Variants in CD320 observed in about 807,000 individuals in gnomAD.
The protein encoded by CD320 is CD320 antigen.
CD320 carries 16 observed loss-of-function variants against 22.1 expected under a neutral mutation model. The observed-to-expected ratio is 0.73, with a 90% CI of 0.49 to 1.10. CD320 has a LOEUF of 1.10. CD320 is among the 50% of genes least tolerant of loss of function. The pLI, the probability that CD320 is intolerant of heterozygous loss-of-function variation, is 0.00. For missense variants in CD320, 388 were observed against 376.9 expected (o/e 1.03, Z -0.24); for synonymous variants, 188 against 167.8 (o/e 1.12, Z -0.93).
At chr19:8,304,611 G>A (rs1970059926) in intron 2 of CD320, among the ~76,000 whole-genome samples, 1 of 152,128 alleles carries the variant, frequency 6.6e-6, no homozygotes, top group South Asian at 2.1e-4. Flanking sequence ...CCAAAGTGCT[G>A]GGATTACATG....
At position 8,302,384 on chromosome 19, in the gene CD320, G is replaced by A. The variant is rs548990321; in HGVS notation, c.*79C>T. On this transcript the variant is annotated 3_prime_UTR_variant, in exon 5 of 5. Coordinates refer to ENST00000301458, the MANE Select transcript of CD320 (RefSeq NM_016579.4). Reference sequence around the variant, plus strand: ...CAGGTCTCTGAGGGCTGGTGTGCCCGGGTACCCATCCGCATCACTGCTCTC... The same window carrying A: ...CAGGTCTCTGAGGGCTGGTGTGCCCAGGTACCCATCCGCATCACTGCTCTC... 17 of 1,566,476 alleles carry A rather than the reference G, an allele frequency of 1.1e-5. 1 individual carries two copies. The highest frequency in any genetic ancestry group is 2.7e-5 in the African/African-American group (2 of 73,656).
chr19:8,304,315 A>T (rs903880077), intron 2 of CD320, among the ~76,000 whole-genome samples: 1 of 151,994 alleles, frequency 6.6e-6, no homozygotes, highest in Non-Finnish European at 1.5e-5. Flanking sequence ...CTACAAGCCC[A>T]CTTTATTCTA....
intron 1 of CD320, chr19:8,305,443 C>G (rs576603761): frequency 1.3e-4 from 51 of 381,402 alleles, no homozygotes; most frequent in African/African-American, 9.6e-4. Flanking sequence ...TGCAGTGGCT[C>G]ACGCCTGTAA....
chr19:8,303,406 C>T (rs1489154603), intron 3 of CD320, among the ~76,000 whole-genome samples: 1 of 151,948 alleles, frequency 6.6e-6, no homozygotes, highest in African/African-American at 2.4e-5. Flanking sequence ...CGTTAGCCAC[C>T]GTGCCCGGCC....
intron 1 of CD320, chr19:8,305,473 C>T (rs750949762): frequency 6.7e-5 from 22 of 326,898 alleles, no homozygotes; most frequent in Middle Eastern, 1.1e-3. Context: ...TTTGGCAGGC[C>T]GAGGCAGGTG....
rs991840721 is a variant in CD320, at chr19:8,304,971, T to C, written c.268+60A>G. 6.8e-5 allele frequency: 108 copies of C among 1,590,028 alleles called. No homozygotes were observed. The African/African-American group carries it at 1.1e-3, about 17-fold the overall frequency. On this transcript the variant is annotated intron_variant, in intron 2 of 4. Transcript: ENST00000301458. ...GCTCCACCTCCGCGTGCCTGGCCCCTGACAAACCACCCTCAGGCCCCGCCC... is the reference window on the plus strand; with the variant it reads ...GCTCCACCTCCGCGTGCCTGGCCCCCGACAAACCACCCTCAGGCCCCGCCC...
At position 8,302,178 on chromosome 19, in the gene CD320, T is replaced by C. The variant is rs1351350901; in HGVS notation, c.*285A>G. On this transcript the variant is annotated 3_prime_UTR_variant, in exon 5 of 5. Coordinates refer to ENST00000301458, the MANE Select transcript of CD320 (RefSeq NM_016579.4). ...ACCCTCAGACGGGGCAGCAGGAGTGTCTTAAGCACAGGGCCGTTCTACCCC... is the reference window on the plus strand; with the variant it reads ...ACCCTCAGACGGGGCAGCAGGAGTGCCTTAAGCACAGGGCCGTTCTACCCC... 3 of 614,398 alleles carry C rather than the reference T, an allele frequency of 4.9e-6. No homozygotes were observed. Among genetic ancestry groups the C allele is most frequent in the Non-Finnish European group, 9.1e-6 (3 of 328,130 alleles). The allele number at this position is 614,398 out of a possible 1,614,324, so 38.1% of individuals were successfully genotyped here.
chr19:8,305,160 C>T lies in CD320; in HGVS notation c.143-4G>A, dbSNP rs371174438. On this transcript the variant is annotated splice_polypyrimidine_tract_variant and splice_region_variant and intron_variant, in intron 1 of 4. Coordinates refer to ENST00000301458, the MANE Select transcript of CD320 (RefSeq NM_016579.4). ...GGGCACGAGCCTGAGCTGGGGCCTGCGAGATGGATGCAAATGAAGCCTGGG... is the reference window on the plus strand; with the variant it reads ...GGGCACGAGCCTGAGCTGGGGCCTGTGAGATGGATGCAAATGAAGCCTGGG... 1.2e-5 allele frequency: 19 copies of T among 1,595,446 alleles called. No individual in the cohort carries two copies. In the African/African-American group the frequency reaches 2.0e-4, roughly 17 times the overall value.
At chr19:8,306,622 C>T (rs905968870) in intron 1 of CD320, among the ~76,000 whole-genome samples, 5 of 152,232 alleles carry the variant, frequency 3.3e-5, no homozygotes, top group East Asian at 1.9e-4. Flanking sequence ...TCCAACCCCC[C>T]ACTCCCCACT....
Position 8,302,353 on chromosome 19 carries a change from A to C in CD320, c.*110T>G. 156 of 1,375,170 alleles carry C rather than the reference A, an allele frequency of 1.1e-4. No individual in the cohort carries two copies. The highest frequency in any genetic ancestry group is 1.8e-4 in the Middle Eastern group (1 of 5,638). 85.2% of individuals were successfully genotyped at this position (1,375,170 alleles called of 1,614,324 possible). ...GGGTTCGAGGTTCCACGTGGCCAGA[A>C]GAGCTCAGGTCTCTGAGGGCTGGTG... On this transcript the variant is annotated 3_prime_UTR_variant, in exon 5 of 5. Transcript: ENST00000301458.
At chr19:8,305,887 G>T (rs188080908) in intron 1 of CD320, 1 of 152,252 alleles carries the variant, frequency 6.6e-6, no homozygotes, top group African/African-American at 2.4e-5. Context: ...TCAGGCTCCC[G>T]GGCTCAGGTC....
chr19:8,303,865 C>G lies in CD320; in HGVS notation c.492G>C (p.Glu164Asp). 6.3e-7 allele frequency: 1 copy of G among 1,598,510 alleles called. No homozygotes were observed. Among genetic ancestry groups the G allele is most frequent in the Non-Finnish European group, 8.5e-7 (1 of 1,173,060 alleles). Residue 164 changes from glutamate to aspartate, a missense_variant, in exon 3 of 5, where the codon GAG (glutamate) becomes GAC (aspartate). Transcript: ENST00000301458. Reference protein sequence around the residue: ...GHPDCPDSSDELGCGTNEILP... With the variant: ...GHPDCPDSSDDLGCGTNEILP... The stretch of plus-strand genomic sequence containing the variant: ...CCCGCAGGTGCATACCACAGCCGAG[C>G]TCGTCGCTGGAGTCGGGACAGTCTG...
At chr19:8,303,369 G>A (rs551621103) in intron 3 of CD320, among the ~76,000 whole-genome samples, 4 of 151,832 alleles carry the variant, frequency 2.6e-5, no homozygotes, top group Middle Eastern at 6.8e-3. Flanking sequence ...TGCCTGCCTC[G>A]GCCTCCCAAA....
chr19:8,303,898 G>A lies in CD320; in HGVS notation c.459C>T (p.Asp153=), dbSNP rs750510195. 2.5e-6 allele frequency: 4 copies of A among 1,605,740 alleles called. No individual in the cohort carries two copies. The highest frequency in any genetic ancestry group is 2.3e-5 in the East Asian group (1 of 44,434). Reference sequence around the variant, plus strand: ...TGGAGTCGGGACAGTCTGGGTGGCCGTCGCAGCGCCACGTGAGTGGAATGC... The same window carrying A: ...TGGAGTCGGGACAGTCTGGGTGGCCATCGCAGCGCCACGTGAGTGGAATGC... ...DDCIPLTWRC[D]GHPDCPDSSD... is the part of the protein sequence containing the mutation. Residue 153 remains aspartate (D), a synonymous_variant, in exon 3 of 5, where the codon GAC becomes GAT. Coordinates refer to ENST00000301458, the MANE Select transcript of CD320 (RefSeq NM_016579.4).
intron 1 of CD320, chr19:8,306,044 T>C (rs1970084503): frequency 6.6e-6 from 1 of 152,252 alleles, no homozygotes; most frequent in African/African-American, 2.4e-5. Flanking sequence ...ACTCTCCCCA[T>C]CCTAAATGTG....
At chr19:8,307,741 G>GC in intron 1 of CD320, among the ~76,000 whole-genome samples, 1 of 152,286 alleles carries the variant, frequency 6.6e-6, no homozygotes, top group Non-Finnish European at 1.5e-5. Flanking sequence ...CAAGGCCTGG[G>GC]CGCGAGGGTT....
rs1364595006 is a variant in CD320 at position 8,308,136 on chromosome 19, G to A, written c.142+13C>T. 3 of 1,496,954 alleles carry A rather than the reference G, an allele frequency of 2.0e-6. No homozygotes were observed. In the South Asian group the frequency reaches 3.9e-5, roughly 19 times the overall value. The allele number at this position is 1,496,954 out of a possible 1,614,324, so 92.7% of individuals were successfully genotyped here. A position where few individuals can be genotyped will look rare whatever the true frequency, so the allele number is the denominator to read the frequency against. The stretch of plus-strand genomic sequence containing the variant: ...GCGAGGGGTGGGAGCCCGCGCTGCG[G>A]GGCGTCACTCACCTGCGGCCTGGGC... On this transcript the variant is annotated intron_variant, in intron 1 of 4. Coordinates refer to ENST00000301458, the MANE Select transcript of CD320 (RefSeq NM_016579.4).
Position 8,303,852 on chromosome 19 carries a change from T to A in CD320, c.502+3A>T. On this transcript the variant is annotated splice_donor_region_variant and intron_variant, in intron 3 of 4. Coordinates refer to ENST00000301458, the MANE Select transcript of CD320 (RefSeq NM_016579.4). ...AGTCCACCCCAGCCCCGCAGGTGCA[T>A]ACCACAGCCGAGCTCGTCGCTGGAG... is the stretch of plus-strand genomic sequence containing the variant. The A allele has an allele frequency of 1.3e-6, 2 of 1,586,462 alleles. No homozygotes were observed. The highest frequency in any genetic ancestry group is 1.7e-6 in the Non-Finnish European group (2 of 1,166,178).
intron 2 of CD320, among the ~76,000 whole-genome samples, chr19:8,304,588 C>T (rs1454388670): frequency 6.6e-6 from 1 of 152,222 alleles, no homozygotes; most frequent in East Asian, 1.9e-4. Context: ...AGTGATCCGC[C>T]TGCCTTGGCC....
Sources: allele counts gnomAD v4.1 joint callset (sites outside exome capture counted in the v4.1 genomes callset), GRCh38; gene constraint gnomAD v4.1.1; transcripts MANE v1.5; gene names NCBI Gene and HGNC (gene_info 2026-07-23, HGNC 2026-07-21).